LAMP3: variants seen among roughly 807,000 people sequenced by gnomAD.
The protein encoded by LAMP3 is lysosome associated membrane protein 3.
In LAMP3, 26 loss-of-function variants were observed where a neutral mutation model predicts 34.8. The observed-to-expected ratio is 0.75, with a 90% CI of 0.55 to 1.04. LAMP3 has a LOEUF of 1.04. LAMP3 is among the 50% of genes least tolerant of loss of function. LAMP3 has a pLI of 0.00. For synonymous variants in LAMP3, 180 were observed against 201.9 expected (o/e 0.89, Z 0.92); for missense variants, 495 against 524.0 (o/e 0.94, Z 0.54).
upstream of LAMP3, chr3:183,162,935 C>T: frequency 2.2e-6 from 1 of 457,340 alleles, no homozygotes; most frequent in South Asian, 3.7e-5. Flanking sequence ...GCCTCCTCCG[C>T]TCATACCCTG....
intron 5 of LAMP3, chr3:183,132,494 G>A (rs1719955441): frequency 9.1e-6 from 9 of 984,588 alleles, no homozygotes; most frequent in Middle Eastern, 5.2e-4. Flanking sequence ...TTCTCCCTCC[G>A]GGTTTTCGCT....
intron 5 of LAMP3, chr3:183,132,639 A>C: frequency 1.0e-6 from 1 of 985,388 alleles, no homozygotes; most frequent in Non-Finnish European, 1.2e-6. Context: ...AACAGGAGGA[A>C]GTAGGGGAGG....
chr3:183,137,244 G>A (rs599011), intron 4 of LAMP3, among the ~76,000 whole-genome samples: 85,009 of 151,612 alleles, frequency 0.56, 27,929 homozygotes, highest in Non-Finnish European at 0.74. Flanking sequence ...TCTTGAATCC[G>A]AGGGGTGGAG....
intron 5 of LAMP3, among the ~76,000 whole-genome samples, chr3:183,133,736 C>A (rs1177466339): frequency 6.6e-6 from 1 of 152,212 alleles, no homozygotes; most frequent in Non-Finnish European, 1.5e-5. Flanking sequence ...AAGAAAAGGA[C>A]AGCAAAAACC....
At chr3:183,142,827 T>C (rs1046987804) in intron 3 of LAMP3, among the ~76,000 whole-genome samples, 1 of 152,108 alleles carries the variant, frequency 6.6e-6, no homozygotes, top group African/African-American at 2.4e-5. Flanking sequence ...AAATCAAGAA[T>C]TTCATGGGGC....
chr3:183,136,168 T>C (rs551036933), intron 4 of LAMP3, among the ~76,000 whole-genome samples: 31 of 152,198 alleles, frequency 2.0e-4, no homozygotes, highest in South Asian at 8.3e-4. Flanking sequence ...CTTTAAATCA[T>C]TGGGGACAGA....
chr3:183,153,577 G>T, intron 2 of LAMP3, 105 bp downstream of exon 2: 2 of 711,766 alleles, frequency 2.8e-6, no homozygotes, highest in Non-Finnish European at 4.6e-6. Context: ...CACAGCTATT[G>T]GTTTCATTTA....
intron 3 of LAMP3, among the ~76,000 whole-genome samples, chr3:183,149,365 C>T (rs1720543075): frequency 6.6e-6 from 1 of 151,268 alleles, no homozygotes; most frequent in Non-Finnish European, 1.5e-5. Context: ...CGTGGTGAGA[C>T]CCCGTCTCTA....
intron 1 of LAMP3, among the ~76,000 whole-genome samples, 197 bp from the exon 2 acceptor site, chr3:183,154,588 G>C (rs1384020122): frequency 6.6e-6 from 1 of 152,172 alleles, no homozygotes; most frequent in Non-Finnish European, 1.5e-5. Context: ...GTAATGTTCT[G>C]GTTGTATCCA....
intron 5 of LAMP3, chr3:183,131,848 T>C (rs1719933530): frequency 2.4e-6 from 2 of 820,960 alleles, no homozygotes; most frequent in South Asian, 5.5e-5. Flanking sequence ...ATCAATGTAA[T>C]AGGAAACCAT....
intron 5 of LAMP3, among the ~76,000 whole-genome samples, chr3:183,130,416 C>T (rs1467096135): frequency 6.6e-6 from 1 of 151,990 alleles, no homozygotes; most frequent in Admixed American, 6.6e-5. Flanking sequence ...CCTCGGCCTC[C>T]CAAAGTGCTG....
In LAMP3 at chr3:183,153,685, C is replaced by A. The variant is rs1720727538; in HGVS notation, c.756G>T (p.Glu252Asp). The change falls in exon 2 of 6, where the codon GAG becomes GAT. Residue 252 changes from glutamate to aspartate, a missense_variant. Transcript: ENST00000265598. ...TAGTCCTGTGGCCCCAACTTACCGA[C>A]TCCTTGTCTTGAACAATCAGCTGTA... ...MGIQLIVQDKESVFSPRRYFN... is the reference protein window; with the variant it reads ...MGIQLIVQDKDSVFSPRRYFN... The A allele has an allele frequency of 6.6e-7, 1 of 1,514,636 alleles. No individual in the cohort carries two copies. Among genetic ancestry groups the A allele is most frequent in the African/African-American group, 1.4e-5 (1 of 71,698 alleles). The allele number at this position is 1,514,636 out of a possible 1,614,324, so 93.8% of individuals were successfully genotyped here.
At chr3:183,135,952 C>T (rs2108598828) in intron 4 of LAMP3, 65 bp from the exon 5 acceptor site, 3 of 1,343,328 alleles carry the variant, frequency 2.2e-6, no homozygotes, top group East Asian at 2.3e-5. Context: ...CAGCTGTGGC[C>T]GGGCTGCCTG....
At chr3:183,132,173 G>C (rs1277097039) in intron 5 of LAMP3, 12 of 985,166 alleles carry the variant, frequency 1.2e-5, no homozygotes, top group African/African-American at 1.7e-5. Flanking sequence ...CATTTATTGA[G>C]CCCCTCCTTT....
At chr3:183,153,035 T>G (rs1309541062) in intron 2 of LAMP3, among the ~76,000 whole-genome samples, 1 of 151,432 alleles carries the variant, frequency 6.6e-6, no homozygotes, top group African/African-American at 2.4e-5. Flanking sequence ...ATTAGCCGGG[T>G]GTGATGGCAG....
intron 1 of LAMP3, among the ~76,000 whole-genome samples, chr3:183,157,161 G>T (rs1720845522): frequency 6.6e-6 from 1 of 152,160 alleles, no homozygotes; most frequent in South Asian, 2.1e-4. Context: ...AGTTCAAATT[G>T]CCTTGATAAC....
At chr3:183,150,635 C>G (rs1037290507) in intron 3 of LAMP3, among the ~76,000 whole-genome samples, 2 of 140,152 alleles carry the variant, frequency 1.4e-5, no homozygotes, top group Non-Finnish European at 3.1e-5. Context: ...GCAGCCTCAA[C>G]CTCCTGGACT....
intron 5 of LAMP3, among the ~76,000 whole-genome samples, chr3:183,125,363 G>A (rs554937142): frequency 1.3e-5 from 2 of 152,194 alleles, no homozygotes; most frequent in Non-Finnish European, 2.9e-5. Context: ...GGTCAGAGAA[G>A]ACAGAGTGGC....
intron 3 of LAMP3, among the ~76,000 whole-genome samples, chr3:183,147,085 T>C (rs1003275797): frequency 2.0e-5 from 3 of 151,536 alleles, no homozygotes; most frequent in African/African-American, 7.3e-5. Flanking sequence ...CTACTAAAAA[T>C]ACAAAAAATT....
Sources: gnomAD v4.1 joint callset for allele counts (sites outside exome capture counted in the v4.1 genomes callset) on GRCh38, gnomAD v4.1.1 for gene constraint, MANE v1.5 for transcripts, NCBI Gene and HGNC (gene_info 2026-07-23, HGNC 2026-07-21) for gene names.